Variants in FRS2 observed in about 807,000 individuals in gnomAD.
The protein encoded by FRS2 is FGFR signalling adaptor.
In FRS2, 8 loss-of-function variants were observed where a neutral mutation model predicts 43.9. The ratio of observed to expected loss-of-function variants is 0.18; its 90% CI spans 0.11 to 0.33. The LOEUF is 0.33. FRS2 is among the 10% of genes least tolerant of loss of function. The pLI is 1.00. For missense variants in FRS2, 534 were observed against 627.6 expected (o/e 0.85, Z 1.59); for synonymous variants, 219 against 220.3 (o/e 0.99, Z 0.05).
chr12:69,562,741 A>G (rs1879973386), intron 4 of FRS2, among the ~76,000 whole-genome samples: 1 of 151,712 alleles, frequency 6.6e-6, no homozygotes, highest in South Asian at 2.1e-4. Context: ...CCAGGCTTGG[A>G]GTGCAGTGGC....
chr12:69,471,296 C>T (rs1240738048), intron 1 of FRS2, among the ~76,000 whole-genome samples: 2 of 151,648 alleles, frequency 1.3e-5, no homozygotes, highest in African/African-American at 4.8e-5. Context: ...CTCTAATCTA[C>T]ACTCTTAATT....
At chr12:69,556,018 G>A (rs533196824) in intron 3 of FRS2, among the ~76,000 whole-genome samples, 9 of 143,584 alleles carry the variant, frequency 6.3e-5, no homozygotes, top group Admixed American at 2.1e-4. Flanking sequence ...CGGGGGGGGG[G>A]GCGGTGTACA....
intron 1 of FRS2, among the ~76,000 whole-genome samples, chr12:69,511,398 C>T (rs1013401670): frequency 6.6e-6 from 1 of 152,148 alleles, no homozygotes; most frequent in Non-Finnish European, 1.5e-5. Context: ...TGTGTGCACA[C>T]TCTTTGACCC....
intron 3 of FRS2, among the ~76,000 whole-genome samples, chr12:69,558,950 A>T (rs1470473429): frequency 6.6e-6 from 1 of 152,194 alleles, no homozygotes; most frequent in Admixed American, 6.5e-5. Flanking sequence ...AGTTGCTTAA[A>T]AATCATTTTT....
intron 1 of FRS2, among the ~76,000 whole-genome samples, chr12:69,483,391 G>C (rs1256223300): frequency 6.6e-6 from 1 of 152,118 alleles, no homozygotes; most frequent in African/African-American, 2.4e-5. Flanking sequence ...TTGTCATTTT[G>C]AGAATGTTGC....
chr12:69,569,374 ACTAT>A (rs990442528), intron 5 of FRS2, among the ~76,000 whole-genome samples: 3 of 151,986 alleles, frequency 2.0e-5, no homozygotes, highest in Non-Finnish European at 4.4e-5. Flanking sequence ...CAATCTCATC[ACTAT>A]CTGTCTTTCA....
chr12:69,493,604 C>T (rs60906957), intron 1 of FRS2, among the ~76,000 whole-genome samples: 5,305 of 152,182 alleles, frequency 0.035, 312 homozygotes, highest in African/African-American at 0.12. Context: ...GCCTGTAATC[C>T]CAGTTACTTG....
At chr12:69,557,400 A>G (rs553527619) in intron 3 of FRS2, among the ~76,000 whole-genome samples, 28 of 152,308 alleles carry the variant, frequency 1.8e-4, no homozygotes, top group African/African-American at 4.3e-4. Context: ...GAGTACCTCT[A>G]CTTTCTTACT....
rs546276438 is a variant in FRS2, at chr12:69,484,555, T to C, written c.-261+14025T>C. ...CCTAGTTACTCTCCTCAATTTGGAT[T>C]CTCAACCTTTCTTCCTGTCTGCTCC... On this transcript the variant is annotated intron_variant, in intron 1 of 8. Transcript: ENST00000549921. Among the ~76,000 whole-genome samples the C allele has an allele frequency of 1.3e-5, 2 of 152,314 alleles. 1 individual carries two copies. The highest frequency in any genetic ancestry group is 4.8e-5 in the African/African-American group (2 of 41,560).
chr12:69,522,893 T>A (rs1875829889), intron 1 of FRS2, among the ~76,000 whole-genome samples: 1 of 152,262 alleles, frequency 6.6e-6, no homozygotes, highest in African/African-American at 2.4e-5. Context: ...ACTAAGGTTT[T>A]GAGCAATTTT....
At chr12:69,503,433 C>T (rs1484989089) in intron 1 of FRS2, among the ~76,000 whole-genome samples, 2 of 152,048 alleles carry the variant, frequency 1.3e-5, no homozygotes, top group Admixed American at 6.6e-5. Flanking sequence ...TATTCATAGT[C>T]CTAGAGATTT....
At chr12:69,568,339 G>C (rs984330638) in intron 4 of FRS2, among the ~76,000 whole-genome samples, 1 of 152,128 alleles carries the variant, frequency 6.6e-6, no homozygotes, top group African/African-American at 2.4e-5. Context: ...ACTACAATGA[G>C]TAACAACAGT....
chr12:69,528,609 G>C (rs992942376), intron 1 of FRS2, among the ~76,000 whole-genome samples: 1 of 152,146 alleles, frequency 6.6e-6, no homozygotes, highest in Non-Finnish European at 1.5e-5. Context: ...GGGAACTTAA[G>C]AATCTTTTAA....
At chr12:69,557,469 A>C (rs1435683619) in intron 3 of FRS2, among the ~76,000 whole-genome samples, 1 of 152,116 alleles carries the variant, frequency 6.6e-6, no homozygotes, top group Non-Finnish European at 1.5e-5. Flanking sequence ...TTTTTAGTGG[A>C]GAGAGCTGTG....
At chr12:69,555,805 A>G (rs1879287053) in intron 3 of FRS2, among the ~76,000 whole-genome samples, 1 of 152,194 alleles carries the variant, frequency 6.6e-6, no homozygotes, top group African/African-American at 2.4e-5. Flanking sequence ...GGTGTGTTAG[A>G]TTGTAACAGT....
At chr12:69,523,642 T>C (rs1024406950) in intron 1 of FRS2, among the ~76,000 whole-genome samples, 1 of 152,094 alleles carries the variant, frequency 6.6e-6, no homozygotes, top group African/African-American at 2.4e-5. Flanking sequence ...TATGCTGACT[T>C]TTTTGTGTGG....
chr12:69,529,292 C>T (rs1565750025), intron 1 of FRS2, among the ~76,000 whole-genome samples: 1 of 151,986 alleles, frequency 6.6e-6, no homozygotes, highest in African/African-American at 2.4e-5. Context: ...AACTGGAGCT[C>T]CTAGGATGAA....
intron 1 of FRS2, among the ~76,000 whole-genome samples, chr12:69,471,496 T>C (rs1160010400): frequency 6.6e-6 from 1 of 152,252 alleles, no homozygotes; most frequent in Non-Finnish European, 1.5e-5. Flanking sequence ...GTTAAAATTG[T>C]TGCTGCAATG....
rs772875085 is a variant in FRS2, at chr12:69,569,178, GGCTTTTATCAC to G, written c.66+83_66+93del. On this transcript the variant is annotated intron_variant, in intron 5 of 8. Transcript: ENST00000549921. Reference sequence around the variant, plus strand: ...ATTTCACTTAACATATCTTATTTCTGGCTTTTATCACCAAACCTTTCTATTTCCCTTTCTTT... The same window carrying G: ...ATTTCACTTAACATATCTTATTTCTGCAAACCTTTCTATTTCCCTTTCTTT... The G allele has an allele frequency of 1.0e-3, 791 of 770,810 alleles. 1 individual carries two copies. The highest frequency in any genetic ancestry group is 1.6e-3 in the Non-Finnish European group (714 of 457,188). 47.7% of individuals were successfully genotyped at this position (770,810 alleles called of 1,614,324 possible). A position where few individuals can be genotyped will look rare whatever the true frequency, so the allele number is the denominator to read the frequency against.
Sources: gnomAD v4.1 joint callset for allele counts (sites outside exome capture counted in the v4.1 genomes callset) on GRCh38, gnomAD v4.1.1 for gene constraint, MANE v1.5 for transcripts, NCBI Gene and HGNC (gene_info 2026-07-23, HGNC 2026-07-21) for gene names.